HPD: variants seen among roughly 807,000 people sequenced by gnomAD.
HPD encodes 4-hydroxyphenylpyruvate dioxygenase.
In HPD, 35 loss-of-function variants were observed where a neutral mutation model predicts 56.9. That is an observed-to-expected ratio of 0.62 (90% CI 0.47 to 0.82). The LOEUF is 0.82. Among genes scored for constraint, HPD ranks in the 40% least tolerant of loss-of-function variants. HPD has a pLI of 0.00. For synonymous variants in HPD, 186 were observed against 200.2 expected, an observed-to-expected ratio of 0.93 and a Z score of 0.60; for missense variants, 442 against 506.8, an observed-to-expected ratio of 0.87 and a Z score of 1.23.
chr12:121,845,094 GAT>G (rs146463958), intron 11 of HPD, among the ~76,000 whole-genome samples: 16 of 145,332 alleles, frequency 1.1e-4, no homozygotes, highest in East Asian at 5.9e-4. Context: ...AAAAAAGAAG[GAT>G]ATATATATAT....
At chr12:121,853,539 G>A (rs2620339) in intron 7 of HPD, among the ~76,000 whole-genome samples, 75,170 of 150,722 alleles carry the variant, frequency 0.5, 19,071 homozygotes, top group East Asian at 0.79. Context: ...GGAGAATGGC[G>A]TGAACCCGGA....
chr12:121,859,214 T>C, upstream of HPD: 1 of 340,488 alleles, frequency 2.9e-6, no homozygotes, highest in Admixed American at 4.1e-5. Flanking sequence ...TGAGGGGGCA[T>C]TTGGAGACTG....
intron 12 of HPD, among the ~76,000 whole-genome samples, chr12:121,842,741 CTTTTTT>C (rs34879391): frequency 1.3e-5 from 1 of 76,248 alleles, no homozygotes; most frequent in Non-Finnish European, 2.5e-5. Flanking sequence ...TAAAATGGAT[CTTTTTT>C]TTTTTTTTTT....
At chr12:121,852,130 C>T (rs1877814755) in intron 7 of HPD, among the ~76,000 whole-genome samples, 1 of 152,072 alleles carries the variant, frequency 6.6e-6, no homozygotes, top group Non-Finnish European at 1.5e-5. Flanking sequence ...AGCAATCCTC[C>T]CACCTCAGCC....
chr12:121,874,129 T>C, the HPD span: 1 of 152,238 alleles, frequency 6.6e-6, no homozygotes, highest in Non-Finnish European at 1.5e-5. Context: ...CCCCGGTATA[T>C]GCCACGGCTA....
At chr12:121,864,073 CA>C (rs748278452), upstream of HPD, among the ~76,000 whole-genome samples, 11,380 of 71,380 alleles carry the variant, frequency 0.16, 674 homozygotes, top group African/African-American at 0.33. Flanking sequence ...ACTAAAAATA[CA>C]AAAAAAAAAA....
chr12:121,854,200 G>A (rs1440392126), intron 7 of HPD, among the ~76,000 whole-genome samples: 1 of 152,068 alleles, frequency 6.6e-6, no homozygotes, highest in African/African-American at 2.4e-5. Context: ...AGGTTGCAGA[G>A]AGCCAAGATC....
At chr12:121,852,699 A>G (rs531932724) in intron 7 of HPD, among the ~76,000 whole-genome samples, 1 of 134,384 alleles carries the variant, frequency 7.4e-6, no homozygotes, top group South Asian at 2.3e-4. Flanking sequence ...CAGAGGTGCA[A>G]TCTTGGCTCA....
chr12:121,858,001 C>T (rs891743537), intron 2 of HPD, among the ~76,000 whole-genome samples, 182 bp from the exon 3 acceptor site: 5 of 152,104 alleles, frequency 3.3e-5, no homozygotes, highest in African/African-American at 1.2e-4. Context: ...AGTTGAGCTC[C>T]TGGGTGTCTT....
At chr12:121,846,784 A>T in intron 11 of HPD, 78 bp downstream of exon 11, 7 of 1,384,550 alleles carry the variant, frequency 5.1e-6, no homozygotes, top group Non-Finnish European at 7.1e-6. Flanking sequence ...GACTGCCGCC[A>T]CCCGCCCTCT....
rs377580246 is a variant in HPD, at chr12:121,845,319, G to A, written c.832-1487C>T. On this transcript the variant is annotated intron_variant, in intron 11 of 13. Coordinates refer to ENST00000289004, the MANE Select transcript of HPD (RefSeq NM_002150.3). ...TTTGTAAAGATGAGGTCTTATGGCC[G>A]GGCGCAGTGGCTCACACCTGTAATC... Among the ~76,000 whole-genome samples, 15 of 149,018 alleles carry A rather than the reference G, an allele frequency of 1.0e-4. 1 individual carries two copies. Among genetic ancestry groups the A allele is most frequent in the Admixed American group, 2.6e-4 (4 of 15,102 alleles).
At chr12:121,846,301 C>T (rs1877580577) in intron 11 of HPD, among the ~76,000 whole-genome samples, 1 of 152,314 alleles carries the variant, frequency 6.6e-6, no homozygotes, top group East Asian at 1.9e-4. Flanking sequence ...ACTGCAACCT[C>T]TACCTCCTGA....
chr12:121,865,460 G>A (rs1470866168), upstream of HPD, among the ~76,000 whole-genome samples: 1 of 150,612 alleles, frequency 6.6e-6, no homozygotes, highest in Non-Finnish European at 1.5e-5. Context: ...AGTAGAGATG[G>A]GGTTTCGTCA....
chr12:121,880,172 A>AG, the HPD span, among the ~76,000 whole-genome samples: 1 of 151,740 alleles, frequency 6.6e-6, no homozygotes, highest in African/African-American at 2.4e-5. Context: ...AAAAAAAAAA[A>AG]AAAGAAAGGC....
chr12:121,858,681 G>C lies in HPD; in HGVS notation c.30+6C>G. ...CCCCTACATTTCCCACATTTCGCCTGCTTACCTTTGCCCCTTTGTCACTGT... is the reference window on the plus strand; with the variant it reads ...CCCCTACATTTCCCACATTTCGCCTCCTTACCTTTGCCCCTTTGTCACTGT... On this transcript the variant is annotated splice_donor_region_variant and intron_variant, in intron 2 of 13. Transcript: ENST00000289004. 1 of 1,613,980 alleles carries C rather than the reference G, an allele frequency of 6.2e-7. No homozygotes were observed. The highest frequency in any genetic ancestry group is 1.1e-5 in the South Asian group (1 of 91,086).
At chr12:121,848,397 C>T (rs760362213) in intron 9 of HPD, among the ~76,000 whole-genome samples, 8 of 152,016 alleles carry the variant, frequency 5.3e-5, no homozygotes, top group Non-Finnish European at 1.2e-4. Flanking sequence ...CTGCAACCTC[C>T]GCCTTCCTGG....
chr12:121,840,389 C>T (rs1423738520), intron 12 of HPD, among the ~76,000 whole-genome samples: 1 of 152,186 alleles, frequency 6.6e-6, no homozygotes, highest in Non-Finnish European at 1.5e-5. Flanking sequence ...AAACCTCCGC[C>T]TTCCGGGTTC....
At chr12:121,850,458 G>T (rs1877729636) in intron 7 of HPD, among the ~76,000 whole-genome samples, 1 of 145,102 alleles carries the variant, frequency 6.9e-6, no homozygotes. Context: ...AGTTCTGTCA[G>T]CCACTTTAAC....
At chr12:121,888,266 A>G in the HPD span, among the ~76,000 whole-genome samples, 1 of 152,164 alleles carries the variant, frequency 6.6e-6, no homozygotes, top group Non-Finnish European at 1.5e-5. Context: ...CAGCTCTATG[A>G]GATAGATTGC....
Sources: allele counts gnomAD v4.1 joint callset (sites outside exome capture counted in the v4.1 genomes callset), GRCh38; gene constraint gnomAD v4.1.1; transcripts MANE v1.5; gene names NCBI Gene and HGNC (gene_info 2026-07-23, HGNC 2026-07-21).